The following GNAO1 variants were observed in gnomAD, a reference collection of about 807,000 sequenced individuals.
GNAO1 encodes G protein subunit alpha o1, also known as guanine nucleotide-binding protein G(o) subunit alpha.
For missense variants in GNAO1, 166 were observed against 478.7 expected (o/e 0.35, Z 6.10); for synonymous variants, 164 against 180.7 (o/e 0.91, Z 0.74).
rs1332334972 is a variant in GNAO1, at chr16:56,354,568, C to G, written c.878-298C>G. 6.6e-6 allele frequency among the ~76,000 whole-genome samples: 1 copy of G among 152,080 alleles called. No homozygotes were observed. The highest frequency in any genetic ancestry group is 1.5e-5 in the Non-Finnish European group (1 of 68,008). ...GCACGCGCCTGTATTACCAGCTACT[C>G]AGGAGGCTGAGGCAGGAGAATCGCT... On this transcript the variant is annotated intron_variant, in intron 7 of 8. Transcript: ENST00000262493. The surrounding 1 kb of genome is among the most constrained non-coding windows in gnomAD (Gnocchi z 4.3).
intron 5 of GNAO1, 193 bp from the exon 6 acceptor site, chr16:56,336,538 G>A: frequency 1.1e-5 from 6 of 561,690 alleles, no homozygotes; most frequent in Non-Finnish European, 1.9e-5. Flanking sequence ...GACTCCAGGG[G>A]TAGTGCCTGG....
chr16:56,276,094 C>A, intron 3 of GNAO1, 22 bp downstream of exon 3: 2 of 1,603,636 alleles, frequency 1.2e-6, no homozygotes, highest in Non-Finnish European at 8.5e-7. Context: ...AGCCCATAAG[C>A]ACAGCAACAA....
chr16:56,322,732 C>T (rs1353957005), intron 3 of GNAO1, among the ~76,000 whole-genome samples: 1 of 152,066 alleles, frequency 6.6e-6, no homozygotes, highest in Non-Finnish European at 1.5e-5. Context: ...CCAGGCTCTC[C>T]TTACTGGCGA....
At chr16:56,229,740 A>G (rs2036570587) in intron 2 of GNAO1, among the ~76,000 whole-genome samples, 1 of 152,206 alleles carries the variant, frequency 6.6e-6, no homozygotes, top group Admixed American at 6.5e-5. Flanking sequence ...CAAAACAAAA[A>G]TGCAAAACCT....
chr16:56,270,262 T>A (rs1157842304), intron 2 of GNAO1: 1 of 152,284 alleles, frequency 6.6e-6, no homozygotes, highest in East Asian at 1.9e-4. Flanking sequence ...TCCTTGGTTG[T>A]TCAGACCTCC....
chr16:56,347,044 C>T, intron 6 of GNAO1: 2 of 985,460 alleles, frequency 2.0e-6, no homozygotes, highest in Non-Finnish European at 2.4e-6. Flanking sequence ...CTGGCCACCC[C>T]CTTTATTTCT....
intron 6 of GNAO1, among the ~76,000 whole-genome samples, chr16:56,349,632 CAT>C (rs1274843320): frequency 6.6e-6 from 1 of 152,202 alleles, no homozygotes; most frequent in African/African-American, 2.4e-5. Context: ...GTGATGAGAT[CAT>C]ATGAGTTTAC....
At chr16:56,200,290 C>T (rs2036271219) in intron 2 of GNAO1, among the ~76,000 whole-genome samples, 1 of 152,134 alleles carries the variant, frequency 6.6e-6, no homozygotes, top group South Asian at 2.1e-4. Flanking sequence ...CAGCACCATG[C>T]CCAATGCCTG....
In GNAO1 at chr16:56,336,785, C is replaced by G; in HGVS notation, c.648C>G (p.Phe216Leu). ...RSERKKWIHCFEDVTAIIFCV... is the reference protein window; with the variant it reads ...RSERKKWIHCLEDVTAIIFCV... ...AACGCAAGAAGTGGATCCATTGCTT[C>G]GAGGACGTCACGGCCATCATTTTCT... The change falls in exon 6 of 9, where the codon TTC becomes TTG. Residue 216 changes from phenylalanine to leucine, a missense_variant. Coordinates refer to ENST00000262493, the MANE Select transcript of GNAO1 (RefSeq NM_020988.3). The G allele has an allele frequency of 6.2e-7, 1 of 1,613,692 alleles. No individual in the cohort carries two copies. The highest frequency in any genetic ancestry group is 8.5e-7 in the Non-Finnish European group (1 of 1,179,900).
chr16:56,206,304 C>T (rs1327732102), intron 2 of GNAO1, among the ~76,000 whole-genome samples: 3 of 138,508 alleles, frequency 2.2e-5, no homozygotes, highest in Non-Finnish European at 4.5e-5. Context: ...TGGGCGACAG[C>T]GTGAGACTCC....
chr16:56,290,022 A>G (rs2037214384), intron 3 of GNAO1, among the ~76,000 whole-genome samples: 1 of 152,194 alleles, frequency 6.6e-6, no homozygotes, highest in Non-Finnish European at 1.5e-5. Context: ...CTCTCAGGAT[A>G]AAGCCAGCCT....
intron 3 of GNAO1, among the ~76,000 whole-genome samples, chr16:56,322,064 C>T (rs1374698811): frequency 1.3e-5 from 2 of 152,184 alleles, no homozygotes; most frequent in African/African-American, 2.4e-5. Flanking sequence ...TGCGTCCTCA[C>T]GTGGTGGAAG....
At chr16:56,223,162 G>A (rs1041268241) in intron 2 of GNAO1, among the ~76,000 whole-genome samples, 16 of 152,160 alleles carry the variant, frequency 1.1e-4, no homozygotes, top group Non-Finnish European at 2.4e-4. Flanking sequence ...GTTCCCTTCT[G>A]GGGCTTCTAG....
At chr16:56,213,857 G>A (rs547189154) in intron 2 of GNAO1, among the ~76,000 whole-genome samples, 1 of 152,220 alleles carries the variant, frequency 6.6e-6, no homozygotes, top group East Asian at 1.9e-4. Flanking sequence ...AACAATGGGT[G>A]CCCTCATGGA....
chr16:56,205,031 T>TA (rs1208839733), intron 2 of GNAO1, among the ~76,000 whole-genome samples: 57 of 152,128 alleles, frequency 3.7e-4, no homozygotes, highest in African/African-American at 8.2e-4. Context: ...TAATAAATTA[T>TA]AAAAAAAATT....
intron 2 of GNAO1, among the ~76,000 whole-genome samples, chr16:56,269,043 G>A (rs1410643153): frequency 6.6e-6 from 1 of 152,160 alleles, no homozygotes; most frequent in African/African-American, 2.4e-5. Flanking sequence ...GCTGTGCATG[G>A]GAGTGAAGCA....
At chr16:56,250,109 C>T (rs1242181661) in intron 2 of GNAO1, among the ~76,000 whole-genome samples, 3 of 152,006 alleles carry the variant, frequency 2.0e-5, no homozygotes, top group East Asian at 1.9e-4. Context: ...GAAGGGAGGG[C>T]GTTCTAGGTG....
chr16:56,267,620 C>T (rs937451488), intron 2 of GNAO1, among the ~76,000 whole-genome samples: 1 of 152,172 alleles, frequency 6.6e-6, no homozygotes, highest in Non-Finnish European at 1.5e-5. Flanking sequence ...AGAGGCCGGT[C>T]CCACCCTCCA....
At chr16:56,278,851 C>T (rs2037088525) in intron 3 of GNAO1, among the ~76,000 whole-genome samples, 1 of 152,142 alleles carries the variant, frequency 6.6e-6, no homozygotes, top group South Asian at 2.1e-4. Context: ...CTCTGTTCAG[C>T]TGGAGCTACC....
Sources: gnomAD v4.1 joint callset for allele counts (sites outside exome capture counted in the v4.1 genomes callset) on GRCh38, gnomAD v4.1.1 for gene constraint, Gnocchi (gnomAD v3.1) non-coding constraint, MANE v1.5 for transcripts, NCBI Gene and HGNC (gene_info 2026-07-23, HGNC 2026-07-21) for gene names.